The following NMU variants were observed in gnomAD, a reference collection of about 807,000 sequenced individuals.
The protein encoded by NMU is neuromedin-U.
A neutral mutation model predicts 35.4 loss-of-function variants in NMU; 29 were observed. The ratio of observed to expected loss-of-function variants is 0.82; its 90% confidence interval spans 0.61 to 1.12. The LOEUF (loss-of-function observed/expected upper bound fraction) is 1.12, where lower values mean the gene tolerates loss of function less well. Ranked by LOEUF, NMU falls within the 50% of genes most tolerant of loss-of-function variation. The pLI is 0.00. For missense variants in NMU, 199 were observed against 206.2 expected (o/e 0.97, Z 0.21); for synonymous variants, 78 against 81.3 (o/e 0.96, Z 0.22).
intron 7 of NMU, among the ~76,000 whole-genome samples, chr4:55,604,640 G>A (rs1390367340): frequency 7.2e-6 from 1 of 139,256 alleles, no homozygotes; most frequent in Non-Finnish European, 1.5e-5. Flanking sequence ...CAGTCTCCGA[G>A]TACCTGGGAT....
intron 9 of NMU, among the ~76,000 whole-genome samples, chr4:55,597,867 TTC>T (rs1337916020): frequency 4.6e-5 from 7 of 152,134 alleles, no homozygotes; most frequent in Non-Finnish European, 4.4e-5. Flanking sequence ...CTGTTTTAAT[TTC>T]TCTTTTCATT....
At chr4:55,633,481 T>G (rs903779769) in intron 1 of NMU, among the ~76,000 whole-genome samples, 4 of 152,230 alleles carry the variant, frequency 2.6e-5, no homozygotes, top group Non-Finnish European at 5.9e-5. Context: ...AGAGCAATAC[T>G]GTAATTAGGT....
intron 3 of NMU, among the ~76,000 whole-genome samples, chr4:55,615,744 A>T (rs1022218492): frequency 6.6e-6 from 1 of 152,142 alleles, no homozygotes; most frequent in African/African-American, 2.4e-5. Flanking sequence ...CCCAGGTACT[A>T]AATCTAGTAC....
chr4:55,598,393 A>G (rs988314872), intron 9 of NMU, among the ~76,000 whole-genome samples: 10 of 152,208 alleles, frequency 6.6e-5, no homozygotes, highest in African/African-American at 2.4e-4. Flanking sequence ...GATATATTTG[A>G]AAAAATATGT....
At chr4:55,598,605 A>T (rs566553286) in intron 9 of NMU, among the ~76,000 whole-genome samples, 2 of 152,326 alleles carry the variant, frequency 1.3e-5, no homozygotes, top group South Asian at 4.1e-4. Flanking sequence ...TGAGGTAGAA[A>T]TTCTGGTAGC....
Position 55,616,380 on chromosome 4 carries a change from A to AGAT in NMU, c.176_177insATC (p.Asp59delinsGluSer). On this transcript the variant is annotated protein_altering_variant, in exon 3 of 10. Transcript: ENST00000264218. ...TGGACAGAAAAGACGAACAAGTATC[A>AGAT]TCTATCTGTAGAAAACAAAAATGTC... The AGAT allele has an allele frequency of 8.1e-6, 13 of 1,611,066 alleles. No individual in the cohort carries two copies. Among genetic ancestry groups the AGAT allele is most frequent in the Non-Finnish European group, 1.1e-5 (13 of 1,177,210 alleles).
intron 1 of NMU, among the ~76,000 whole-genome samples, chr4:55,635,150 T>C (rs1560529717): frequency 6.6e-6 from 1 of 152,050 alleles, no homozygotes; most frequent in Non-Finnish European, 1.5e-5. Flanking sequence ...AGAAAATGTA[T>C]AGCCAGGCAG....
intron 2 of NMU, among the ~76,000 whole-genome samples, chr4:55,629,675 C>T (rs1307122454): frequency 2.0e-5 from 3 of 150,162 alleles, no homozygotes; most frequent in Non-Finnish European, 1.5e-5. Context: ...ATTTCAGCCT[C>T]CCAAGTAGTG....
At chr4:55,632,087 T>C (rs991279553) in intron 1 of NMU, among the ~76,000 whole-genome samples, 2 of 152,098 alleles carry the variant, frequency 1.3e-5, no homozygotes, top group African/African-American at 4.8e-5. Flanking sequence ...TGTTACCACT[T>C]ATAAGTGGGA....
chr4:55,608,972 C>T, intron 4 of NMU, 148 bp downstream of exon 4: 2 of 671,068 alleles, frequency 3.0e-6, no homozygotes, highest in Non-Finnish European at 2.7e-6. Context: ...CATCAGAGAA[C>T]CTGAAGTATT....
In NMU at chr4:55,616,348, G is replaced by C. The variant is rs768130639; in HGVS notation, c.209C>G (p.Ser70Cys). ...DTCSSFLSID[S>C]QPQASNALEE... ...TTCAATTGGAATTACCTGAGGCTGAGAATCAATGGACAGAAAAGACGAACA... is the reference window on the plus strand; with the variant it reads ...TTCAATTGGAATTACCTGAGGCTGACAATCAATGGACAGAAAAGACGAACA... The change falls in exon 3 of 10, where the codon TCT (serine) becomes TGT (cysteine). Residue 70 changes from serine to cysteine, a missense_variant. By Grantham distance (112) the Ser-to-Cys change is moderately radical. Transcript: ENST00000264218. 1 of 1,611,506 alleles carries C rather than the reference G, an allele frequency of 6.2e-7. No homozygotes were observed.
At chr4:55,611,500 T>C (rs1228504654) in intron 3 of NMU, among the ~76,000 whole-genome samples, 5 of 152,320 alleles carry the variant, frequency 3.3e-5, no homozygotes, top group Non-Finnish European at 2.9e-5. Flanking sequence ...TCTGCAGTAG[T>C]GTATTGTAAT....
At chr4:55,618,663 TTCTC>T (rs1165492786) in intron 2 of NMU, among the ~76,000 whole-genome samples, 1 of 150,480 alleles carries the variant, frequency 6.6e-6, no homozygotes, top group African/African-American at 2.5e-5. Context: ...CTCATCTTTC[TTCTC>T]TCTCTTCCTT....
intron 2 of NMU, among the ~76,000 whole-genome samples, chr4:55,617,621 T>TG (rs561849736): frequency 2.0e-5 from 3 of 151,088 alleles, no homozygotes; most frequent in South Asian, 2.1e-4. Flanking sequence ...ATTAAACTTG[T>TG]GGGGGGGAAA....
intron 7 of NMU, among the ~76,000 whole-genome samples, chr4:55,601,688 A>G (rs1733432833): frequency 6.6e-6 from 1 of 152,158 alleles, no homozygotes; most frequent in Admixed American, 6.5e-5. Flanking sequence ...TTATATACCT[A>G]TATAAGCAAC....
intron 1 of NMU, among the ~76,000 whole-genome samples, chr4:55,634,901 C>T (rs1171841377): frequency 6.6e-6 from 1 of 151,954 alleles, no homozygotes; most frequent in African/African-American, 2.4e-5. Flanking sequence ...CACACACACA[C>T]CCCCCTCCAA....
At chr4:55,619,716 A>T (rs1254272443) in intron 2 of NMU, among the ~76,000 whole-genome samples, 1 of 136,448 alleles carries the variant, frequency 7.3e-6, no homozygotes, top group African/African-American at 2.7e-5. Context: ...GGGGCAGGGC[A>T]CAGACAAACA....
chr4:55,603,955 G>GTATATA, intron 7 of NMU, among the ~76,000 whole-genome samples: 1 of 111,548 alleles, frequency 9.0e-6, no homozygotes, highest in Admixed American at 9.4e-5. Context: ...ATGTATATAT[G>GTATATA]TGTATATATA....
chr4:55,635,934 A>C, intron 1 of NMU, 147 bp downstream of exon 1: 2 of 1,416,436 alleles, frequency 1.4e-6, no homozygotes, highest in Non-Finnish European at 1.9e-6. Flanking sequence ...TGTGCCTGGG[A>C]GGCGGGAAAC....
Sources: gnomAD v4.1 joint callset for allele counts (sites outside exome capture counted in the v4.1 genomes callset) on GRCh38, gnomAD v4.1.1 for gene constraint, MANE v1.5 for transcripts, NCBI Gene and HGNC (gene_info 2026-07-23, HGNC 2026-07-21) for gene names.